Variants in GCN1 observed in about 807,000 individuals in gnomAD.
GCN1 encodes GCN1 activator of EIF2AK4.
GCN1 carries 90 observed loss-of-function variants against 288.4 expected under a neutral mutation model. The observed-to-expected ratio is 0.31, with a 90% CI of 0.26 to 0.37. The LOEUF is 0.37. Among genes scored for constraint, GCN1 ranks in the 10% least tolerant of loss-of-function variants. The pLI, the probability that GCN1 is intolerant of heterozygous loss-of-function variation, is 1.00. For synonymous variants in GCN1, 1,386 were observed against 1,420.2 expected (o/e 0.98, Z 0.54); for missense variants, 2,586 against 3,419.9 (o/e 0.76, Z 6.08).
rs775940332 is a variant in GCN1 at position 120,163,299 on chromosome 12, G to C, written c.1849-40C>G. ...ATGAGATAATACTGCTAAGAGCCCT[G>C]TGCAGGCTTGGAACACAGGAACCAA... is the stretch of plus-strand genomic sequence containing the variant. On this transcript the variant is annotated intron_variant, in intron 18 of 57. Coordinates refer to ENST00000300648, the MANE Select transcript of GCN1 (RefSeq NM_006836.2). 2.6e-6 allele frequency: 4 copies of C among 1,529,508 alleles called. No homozygotes were observed. The South Asian group carries it at 3.4e-5, about 13-fold the overall frequency. The allele number at this position is 1,529,508 out of a possible 1,614,324, so 94.7% of individuals were successfully genotyped here.
At chr12:120,192,064 T>A (rs1879018166) in intron 1 of GCN1, among the ~76,000 whole-genome samples, 1 of 152,246 alleles carries the variant, frequency 6.6e-6, no homozygotes, top group African/African-American at 2.4e-5. Flanking sequence ...AAACTCTGAT[T>A]CTTCCCAGCT....
Position 120,138,764 on chromosome 12 carries a change from G to T in GCN1, c.6087C>A (p.Phe2029Leu). 2 of 1,614,196 alleles carry T rather than the reference G, an allele frequency of 1.2e-6. No individual in the cohort carries two copies. The highest frequency in any genetic ancestry group is 8.5e-7 in the Non-Finnish European group (1 of 1,179,982). ...EEVREAAAKT[F>L]EQLHSTIGHQ... ...GGCCGATGGTGGAATGCAGCTGCTC[G>T]AAAGTCTTGGCTGCCGCCTCTCTGA... Residue 2029 changes from phenylalanine to leucine, a missense_variant, in exon 46 of 58, where the codon TTC (phenylalanine) becomes TTA (leucine). Around this residue, in one of 8 missense-constraint regions of GCN1, gnomAD observed 437 missense variants for 570.5 expected, o/e 0.77. Coordinates refer to ENST00000300648, the MANE Select transcript of GCN1 (RefSeq NM_006836.2).
At chr12:120,166,401 CAAAA>C (rs1190939956) in intron 16 of GCN1, among the ~76,000 whole-genome samples, 1 of 44,896 alleles carries the variant, frequency 2.2e-5, no homozygotes. Flanking sequence ...GAGACTGTCT[CAAAA>C]AAAAAAAAAA....
chr12:120,129,132 G>T, intron 57 of GCN1, 144 bp downstream of exon 57: 1 of 730,926 alleles, frequency 1.4e-6, no homozygotes, highest in Non-Finnish European at 2.3e-6. Context: ...CCCGGCCCCA[G>T]TCACCCAAAT....
intron 2 of GCN1, among the ~76,000 whole-genome samples, chr12:120,187,589 C>T (rs1263166259): frequency 6.6e-6 from 1 of 151,828 alleles, no homozygotes; most frequent in Non-Finnish European, 1.5e-5. Context: ...ATGCTGGGTT[C>T]TGTGCCCAAA....
At position 120,162,984 on chromosome 12, in the gene GCN1, G is replaced by A; in HGVS notation, c.2039-13C>T. 1 of 1,614,196 alleles carries A rather than the reference G, an allele frequency of 6.2e-7. No homozygotes were observed. ...GACTGCACGGCAACTGAAGGGGAAGGGAGCTCTTTGAGGCCTTCTGCCTGG... is the reference window on the plus strand; with the variant it reads ...GACTGCACGGCAACTGAAGGGGAAGAGAGCTCTTTGAGGCCTTCTGCCTGG... On this transcript the variant is annotated splice_polypyrimidine_tract_variant and intron_variant, in intron 19 of 57. Transcript: ENST00000300648.
At position 120,160,260 on chromosome 12, in the gene GCN1, AGAG is replaced by A; in HGVS notation, c.2437-8_2437-6del. On this transcript the variant is annotated splice_polypyrimidine_tract_variant and splice_region_variant and intron_variant, in intron 22 of 57. Transcript: ENST00000300648. ...GCCTTTCTTCTTCTTTATCTCCTAA[AGAG>A]GATGGGCAAACCAACCAATCCCATC... The A allele has an allele frequency of 6.2e-7, 1 of 1,603,772 alleles. No homozygotes were observed. The highest frequency in any genetic ancestry group is 8.5e-7 in the Non-Finnish European group (1 of 1,172,676).
intron 36 of GCN1, 112 bp downstream of exon 36, chr12:120,149,494 T>C: frequency 1.3e-6 from 1 of 748,798 alleles, no homozygotes; most frequent in Admixed American, 2.0e-5. Flanking sequence ...GTCTTAACCC[T>C]ATCCCTGGTC....
chr12:120,169,276 C>CAAA lies in GCN1; in HGVS notation c.1519+890_1519+892dup, dbSNP rs35819206. 7.5e-4 allele frequency among the ~76,000 whole-genome samples: 50 copies of CAAA among 66,538 alleles called. 1 individual carries two copies. The highest frequency in any genetic ancestry group is 1.2e-3 in the African/African-American group (18 of 14,998). The allele number at this position is 66,538 out of a possible 152,430, so 43.7% of individuals were successfully genotyped here. A position where few individuals can be genotyped will look rare whatever the true frequency, so the allele number is the denominator to read the frequency against. ...TGGGCGACAGAGCGAAACTCCGTCT[C>CAAA]AAAAAAAAAAAAAAAAAAAGAAAAA... On this transcript the variant is annotated intron_variant, in intron 15 of 57. Coordinates refer to ENST00000300648, the MANE Select transcript of GCN1 (RefSeq NM_006836.2).
intron 2 of GCN1, among the ~76,000 whole-genome samples, chr12:120,186,715 G>C (rs1878832197): frequency 6.6e-6 from 1 of 152,184 alleles, no homozygotes; most frequent in Non-Finnish European, 1.5e-5. Flanking sequence ...TTGTGGCTAA[G>C]ACAATGACAA....
Position 120,156,355 on chromosome 12 carries a change from G to C in GCN1, c.3312+106C>G. 9.0e-7 allele frequency: 1 copy of C among 1,111,700 alleles called. No homozygotes were observed. Among genetic ancestry groups the C allele is most frequent in the South Asian group, 1.4e-5 (1 of 71,242 alleles). 68.9% of individuals were successfully genotyped at this position (1,111,700 alleles called of 1,614,324 possible). A position where few individuals can be genotyped will look rare whatever the true frequency, so the allele number is the denominator to read the frequency against. On this transcript the variant is annotated intron_variant, in intron 28 of 57. Coordinates refer to ENST00000300648, the MANE Select transcript of GCN1 (RefSeq NM_006836.2). The surrounding 1 kb of genome is among the most constrained non-coding windows in gnomAD (Gnocchi z 5.8). ...ATGTGACTTCTTCTCTTTGCCTCTA[G>C]GCCTCCCACCAGAGTGAGGGACATT...
Position 120,163,058 on chromosome 12 carries a change from G to A in GCN1, c.2038+12C>T, listed in dbSNP as rs781589233. On this transcript the variant is annotated intron_variant, in intron 19 of 57. Coordinates refer to ENST00000300648, the MANE Select transcript of GCN1 (RefSeq NM_006836.2). The stretch of plus-strand genomic sequence containing the variant: ...AGCTCTGGGCTCTCCCACACCCACC[G>A]CAGCCACGGACCTAAGGATGGGTGG... The A allele has an allele frequency of 8.1e-6, 13 of 1,613,556 alleles. No homozygotes were observed. Among genetic ancestry groups the A allele is most frequent in the East Asian group, 6.7e-5 (3 of 44,882 alleles).
Position 120,144,402 on chromosome 12 carries a change from G to A in GCN1, c.5399C>T (p.Ala1800Val), listed in dbSNP as rs371797364. Residue 1800 changes from alanine (A) to valine (V), a missense_variant, in exon 42 of 58, where the codon GCG becomes GTG. Coordinates refer to ENST00000300648, the MANE Select transcript of GCN1 (RefSeq NM_006836.2). This position sits in a 1 kb window ranked among gnomAD's most constrained non-coding sequence, Gnocchi z 4.7. ...NEFVRDTALR[A>V]GQRVISMYAE... Reference sequence around the variant, plus strand: ...GTACATGGAGATAACCCGCTGGCCCGCGCGCAGGGCGGTGTCACGCACAAA... The same window carrying A: ...GTACATGGAGATAACCCGCTGGCCCACGCGCAGGGCGGTGTCACGCACAAA... 22 of 1,613,998 alleles carry A rather than the reference G, an allele frequency of 1.4e-5. No individual in the cohort carries two copies. The highest frequency in any genetic ancestry group is 4.4e-5 in the South Asian group (4 of 91,090).
At chr12:120,177,875 A>C in intron 7 of GCN1, 123 bp from the exon 8 acceptor site, 1 of 765,264 alleles carries the variant, frequency 1.3e-6, no homozygotes, top group Non-Finnish European at 2.3e-6. Flanking sequence ...TTTCAGTGTT[A>C]AGCATAGAGG....
rs1318232931 is a variant in GCN1 at position 120,156,749 on chromosome 12, C to G, written c.3169-145G>C. The G allele has an allele frequency of 2.1e-6, 2 of 946,038 alleles. No homozygotes were observed. Among genetic ancestry groups the G allele is most frequent in the Non-Finnish European group, 3.3e-6 (2 of 609,486 alleles). The allele number at this position is 946,038 out of a possible 1,614,324, so 58.6% of individuals were successfully genotyped here. A position where few individuals can be genotyped will look rare whatever the true frequency, so the allele number is the denominator to read the frequency against. On this transcript the variant is annotated intron_variant, in intron 27 of 57. Transcript: ENST00000300648. This position sits in a 1 kb window ranked among gnomAD's most constrained non-coding sequence, Gnocchi z 5.8. ...CCAGTGGCAGGACCCAAGCAAAACCCCTCACTAGCTAACAACAGTCAGGCT... is the reference window on the plus strand; with the variant it reads ...CCAGTGGCAGGACCCAAGCAAAACCGCTCACTAGCTAACAACAGTCAGGCT...
In GCN1 at chr12:120,175,747, T is replaced by A; in HGVS notation, c.1041A>T (p.Gly347=). ...SLTKHLFAIL[G]GSEGKLTVVA... is the part of the protein sequence containing the mutation. ...GCATGGCCAAGAAGGCTTGCTCACCTCCGAGGATAGCAAATAGGTGCTTGG... is the reference window on the plus strand; with the variant it reads ...GCATGGCCAAGAAGGCTTGCTCACCACCGAGGATAGCAAATAGGTGCTTGG... The change falls in exon 11 of 58, where the codon GGA becomes GGT. Residue 347 remains glycine (G), a splice_region_variant and synonymous_variant. Coordinates refer to ENST00000300648, the MANE Select transcript of GCN1 (RefSeq NM_006836.2). The A allele has an allele frequency of 6.2e-7, 1 of 1,611,246 alleles. No individual in the cohort carries two copies. Among genetic ancestry groups the A allele is most frequent in the Non-Finnish European group, 8.5e-7 (1 of 1,178,960 alleles).
intron 33 of GCN1, among the ~76,000 whole-genome samples, chr12:120,151,974 A>G (rs1458195646): frequency 6.6e-6 from 1 of 152,210 alleles, no homozygotes; most frequent in East Asian, 1.9e-4. Context: ...ATATTTGACC[A>G]CAATTTTGGA....
Position 120,158,522 on chromosome 12 carries a change from T to C in GCN1, c.2843A>G (p.Lys948Arg). 1 of 1,583,224 alleles carries C rather than the reference T, an allele frequency of 6.3e-7. No homozygotes were observed. The highest frequency in any genetic ancestry group is 1.7e-4 in the Middle Eastern group (1 of 6,030). Residue 948 changes from lysine to arginine, a missense_variant, in exon 25 of 58, where the codon AAG (lysine) becomes AGG (arginine). By Grantham distance (26) the Lys-to-Arg change is conservative (BLOSUM62 2). This residue lies in a region of GCN1 where 153 missense variants were observed against 252.0 expected (regional missense o/e 0.61). Transcript: ENST00000300648. This position sits in a 1 kb window ranked among gnomAD's most constrained non-coding sequence, Gnocchi z 4.3. The part of the protein sequence containing the change: ...WCQEELSVAV[K>R]RAVMLLHTHT... ...GGTGTGCAGCAGCATCACCGCCCTC[T>C]TCACAGCCACCGACAGCTCTTCCTG...
intron 57 of GCN1, among the ~76,000 whole-genome samples, chr12:120,128,995 G>A (rs545581982): frequency 2.0e-5 from 3 of 151,802 alleles, no homozygotes; most frequent in South Asian, 2.1e-4. Context: ...CGCCCACCAC[G>A]CCTGGCTAAT....
Sources: gnomAD v4.1 joint callset for allele counts (sites outside exome capture counted in the v4.1 genomes callset) on GRCh38, gnomAD v4.1.1 for gene constraint, gnomAD v4.1.1 regional missense constraint, Gnocchi (gnomAD v3.1) non-coding constraint, MANE v1.5 for transcripts, NCBI Gene and HGNC (gene_info 2026-07-23, HGNC 2026-07-21) for gene names.